The following SPECC1 variants were observed in gnomAD, a reference collection of about 807,000 sequenced individuals.
SPECC1 encodes cytospin-B.
Under a neutral mutation model 104.1 loss-of-function variants are expected in SPECC1, and 62 were observed. That is an observed-to-expected ratio of 0.60 (90% CI 0.49 to 0.74). The LOEUF is 0.74. Among genes scored for constraint, SPECC1 ranks in the 30% least tolerant of loss-of-function variants. The pLI is 0.00. For synonymous variants in SPECC1, 513 were observed against 501.6 expected (o/e 1.02, Z -0.30); for missense variants, 1,306 against 1,310.5 (o/e 1.00, Z 0.05).
intron 4 of SPECC1, among the ~76,000 whole-genome samples, chr17:20,222,777 C>A (rs1041959389): frequency 3.3e-5 from 5 of 152,132 alleles, no homozygotes; most frequent in African/African-American, 1.2e-4. Context: ...AAAGAACTCC[C>A]ATTTGCATTT....
intron 1 of SPECC1, among the ~76,000 whole-genome samples, chr17:20,072,048 A>G (rs1448130438): frequency 2.6e-5 from 4 of 152,154 alleles, no homozygotes; most frequent in African/African-American, 7.2e-5. Context: ...TCCACGGCCA[A>G]TGGGTTGGAC....
At chr17:20,126,444 ATCT>A (rs1168616487) in intron 3 of SPECC1, 1 of 152,156 alleles carries the variant, frequency 6.6e-6, no homozygotes, top group East Asian at 1.9e-4. Context: ...AACCATGCTA[ATCT>A]TCTCTGCATC....
At chr17:20,229,969 G>C (rs2038470065) in intron 5 of SPECC1, among the ~76,000 whole-genome samples, 1 of 152,208 alleles carries the variant, frequency 6.6e-6, no homozygotes, top group South Asian at 2.1e-4. Context: ...CATAAAGTGT[G>C]AGAAAGGTTA....
chr17:20,214,137 G>A (rs928377201), intron 4 of SPECC1, among the ~76,000 whole-genome samples: 19 of 152,106 alleles, frequency 1.2e-4, no homozygotes, highest in African/African-American at 4.6e-4. Flanking sequence ...TGGAACCCAC[G>A]CCCTGCGGCC....
chr17:20,289,750 T>C (rs1386969525), intron 12 of SPECC1, among the ~76,000 whole-genome samples: 1 of 152,170 alleles, frequency 6.6e-6, no homozygotes, highest in East Asian at 1.9e-4. Context: ...GAATTAGAGA[T>C]AATTTTAGAT....
Position 20,096,681 on chromosome 17 carries a change from A to G in SPECC1, c.30A>G (p.Pro10=), listed in dbSNP as rs764663977. The G allele has an allele frequency of 4.3e-6, 7 of 1,614,052 alleles. No individual in the cohort carries two copies. Among genetic ancestry groups the G allele is most frequent in the Non-Finnish European group, 5.9e-6 (7 of 1,179,916 alleles). MRSAAKPWN[P]AIRAGGHGPD... is the part of the protein sequence containing the mutation. ...GGAGTGCAGCCAAGCCCTGGAACCC[A>G]GCCATCAGAGCAGGGGGCCACGGCC... Residue 10 remains proline, a synonymous_variant, in exon 2 of 15, where the codon CCA becomes CCG. Coordinates refer to ENST00000395527, the MANE Select transcript of SPECC1 (RefSeq NM_001243439.2).
At chr17:20,043,759 T>C (rs1169136690) in intron 1 of SPECC1, among the ~76,000 whole-genome samples, 1 of 152,218 alleles carries the variant, frequency 6.6e-6, no homozygotes, top group African/African-American at 2.4e-5. Context: ...GAATGGTATT[T>C]AGAAATGCAA....
rs545103937 is a variant in SPECC1 at position 20,013,587 on chromosome 17, C to T, written c.-22+4163C>T. 6.6e-5 allele frequency among the ~76,000 whole-genome samples: 10 copies of T among 152,296 alleles called. 1 individual carries two copies. The Middle Eastern group carries it at 0.014, about 207-fold the overall frequency. On this transcript the variant is annotated intron_variant, in intron 1 of 14. Transcript: ENST00000395527. The stretch of plus-strand genomic sequence containing the variant: ...CACGATCTCCGCTCACTGCGACCTC[C>T]GGCTTTCGGGTTCAAACGATTCTCC...
rs148714992 is a variant in SPECC1 at position 20,203,456 on chromosome 17, C to T, written c.284-877C>T. On this transcript the variant is annotated intron_variant, in intron 3 of 14. Coordinates refer to ENST00000395527, the MANE Select transcript of SPECC1 (RefSeq NM_001243439.2). ...GAGAATTATTTACACCTTACATTTGCTGTTACAAGTATTCTGTATTATGTC... is the reference window on the plus strand; with the variant it reads ...GAGAATTATTTACACCTTACATTTGTTGTTACAAGTATTCTGTATTATGTC... 3.6e-4 allele frequency among the ~76,000 whole-genome samples: 55 copies of T among 152,278 alleles called. No individual in the cohort carries two copies. In the East Asian group the frequency reaches 9.8e-3, roughly 27 times the overall value.
chr17:20,047,833 GT>G (rs1242315689), intron 1 of SPECC1, among the ~76,000 whole-genome samples: 12 of 152,182 alleles, frequency 7.9e-5, no homozygotes, highest in Admixed American at 5.9e-4. Flanking sequence ...TCCTGACCCT[GT>G]GGTCCCCCCG....
intron 12 of SPECC1, among the ~76,000 whole-genome samples, chr17:20,276,440 CTTAG>C (rs892271824): frequency 6.6e-6 from 1 of 152,194 alleles, no homozygotes; most frequent in African/African-American, 2.4e-5. Context: ...TTCAGCCTTT[CTTAG>C]TTGGTTGTTT....
At chr17:20,114,152 C>G in intron 3 of SPECC1, among the ~76,000 whole-genome samples, 1 of 152,140 alleles carries the variant, frequency 6.6e-6, no homozygotes, top group East Asian at 1.9e-4. Flanking sequence ...ACCAATCAGT[C>G]AGCACCTATG....
At chr17:20,156,349 G>A (rs958403866) in intron 3 of SPECC1, 1 of 1,156,174 alleles carries the variant, frequency 8.6e-7, no homozygotes. Context: ...GAAAGGCTAA[G>A]GTCCTGGGGT....
At chr17:20,227,997 G>A (rs1270589131) in intron 5 of SPECC1, among the ~76,000 whole-genome samples, 1 of 152,106 alleles carries the variant, frequency 6.6e-6, no homozygotes, top group Non-Finnish European at 1.5e-5. Flanking sequence ...ATGTTGGCTG[G>A]GGTTTATGAA....
At chr17:20,241,682 T>A (rs2039210300) in intron 7 of SPECC1, among the ~76,000 whole-genome samples, 1 of 145,424 alleles carries the variant, frequency 6.9e-6, no homozygotes, top group South Asian at 2.1e-4. Context: ...CAAATTACTT[T>A]CTTATCCTGT....
At chr17:20,067,478 T>A (rs1839723299) in intron 1 of SPECC1, 2 of 152,152 alleles carry the variant, frequency 1.3e-5, no homozygotes, top group Admixed American at 1.3e-4. Context: ...TTTTTCAGTC[T>A]TTTTATATGC....
chr17:20,158,426 C>T (rs977912129), intron 3 of SPECC1, among the ~76,000 whole-genome samples: 3 of 152,172 alleles, frequency 2.0e-5, no homozygotes, highest in African/African-American at 7.2e-5. Context: ...GCAAGGAAAG[C>T]TTTTGATCAT....
At chr17:20,071,006 T>C (rs72830114) in intron 1 of SPECC1, among the ~76,000 whole-genome samples, 11,257 of 152,202 alleles carry the variant, frequency 0.074, 446 homozygotes, top group Middle Eastern at 0.085. Context: ...TTGCCCAGGT[T>C]GACGTGTGGT....
intron 4 of SPECC1, among the ~76,000 whole-genome samples, chr17:20,218,215 T>C (rs923523576): frequency 6.6e-6 from 1 of 152,196 alleles, no homozygotes; most frequent in Admixed American, 6.5e-5. Flanking sequence ...ATGACTTTCA[T>C]TGACTTTTAC....
Sources: gnomAD v4.1 joint callset for allele counts (sites outside exome capture counted in the v4.1 genomes callset) on GRCh38, gnomAD v4.1.1 for gene constraint, MANE v1.5 for transcripts, NCBI Gene and HGNC (gene_info 2026-07-23, HGNC 2026-07-21) for gene names.